Variants in TFB1M observed in about 807,000 individuals in gnomAD.
TFB1M encodes the protein transcription factor B1, mitochondrial.
TFB1M carries 27 observed loss-of-function variants against 31.1 expected under a neutral mutation model. The ratio of observed to expected loss-of-function variants is 0.87; its 90% CI spans 0.64 to 1.20. TFB1M has a LOEUF of 1.20. Ranked by LOEUF, TFB1M falls within the 50% of genes most tolerant of loss-of-function variation. The pLI, the probability that TFB1M is intolerant of heterozygous loss-of-function variation, is 0.00. For missense variants in TFB1M, 394 were observed against 418.7 expected, an observed-to-expected ratio of 0.94 and a Z score of 0.51; for synonymous variants, 166 against 151.8, an observed-to-expected ratio of 1.09 and a Z score of -0.69.
the TFB1M span, among the ~76,000 whole-genome samples, chr6:155,234,010 G>T: frequency 4.0e-5 from 6 of 150,990 alleles, no homozygotes; most frequent in Non-Finnish European, 7.4e-5. Context: ...TTTTGGGGGG[G>T]GGTTGGGGTT....
At chr6:155,305,106 T>TATTATATATTTATATATATACATA (rs1206585302) in intron 2 of TFB1M, among the ~76,000 whole-genome samples, 1 of 122,066 alleles carries the variant, frequency 8.2e-6, no homozygotes, top group East Asian at 2.2e-4. Context: ...ATTATTTATA[T>TATTATATATTTATATATATACATA]ATTATATATT....
downstream of TFB1M, chr6:155,253,988 C>T: frequency 1.9e-6 from 3 of 1,612,786 alleles, no homozygotes; most frequent in Non-Finnish European, 1.7e-6. Flanking sequence ...GAAAATAATT[C>T]CATATGGGAA....
the TFB1M span, chr6:155,249,854 C>G: frequency 6.2e-7 from 1 of 1,609,766 alleles, no homozygotes. Context: ...CTTGCAGAAG[C>G]ACTAAAGGCA....
downstream of TFB1M, chr6:155,254,041 A>G (rs776956483): frequency 1.9e-6 from 3 of 1,614,156 alleles, no homozygotes; most frequent in Non-Finnish European, 1.7e-6. Context: ...GCCAGAAACC[A>G]TCTTTCAGTT....
At chr6:155,277,698 G>C (rs1785285230) in intron 5 of TFB1M, among the ~76,000 whole-genome samples, 1 of 152,170 alleles carries the variant, frequency 6.6e-6, no homozygotes, top group Non-Finnish European at 1.5e-5. Context: ...ACGGGAATTA[G>C]GAAGGGGATC....
At chr6:155,281,539 T>C (rs915323258) in intron 5 of TFB1M, among the ~76,000 whole-genome samples, 1 of 151,936 alleles carries the variant, frequency 6.6e-6, no homozygotes, top group African/African-American at 2.4e-5. Context: ...TTGGCCAACA[T>C]GGTGAAACCT....
chr6:155,314,188 T>C, intron 1 of TFB1M, 108 bp downstream of exon 1: 1 of 1,556,966 alleles, frequency 6.4e-7, no homozygotes, highest in Non-Finnish European at 8.7e-7. Flanking sequence ...CAAAAGCCCG[T>C]CGCACGCCAG....
chr6:155,252,099 G>A, downstream of TFB1M: 1 of 929,454 alleles, frequency 1.1e-6, no homozygotes, highest in Non-Finnish European at 1.7e-6. Flanking sequence ...CCAAGGCTGG[G>A]CTGACTGATA....
chr6:155,307,136 T>TACATACACACAC (rs934986395), intron 2 of TFB1M, among the ~76,000 whole-genome samples: 368 of 147,344 alleles, frequency 2.5e-3, no homozygotes, highest in African/African-American at 9.1e-3. Context: ...CTCAAACACA[T>TACATACACACAC]ACACACACAC....
intron 3 of TFB1M, among the ~76,000 whole-genome samples, chr6:155,297,677 T>C (rs192448612): frequency 6.6e-6 from 1 of 152,230 alleles, no homozygotes; most frequent in East Asian, 1.9e-4. Context: ...CAGGAGGGGC[T>C]GGTATCAGGG....
chr6:155,255,978 C>G, downstream of TFB1M: 1 of 186,340 alleles, frequency 5.4e-6, no homozygotes, highest in Non-Finnish European at 1.0e-5. Flanking sequence ...CCACTGCACT[C>G]CAGCCTGGGT....
At chr6:155,295,907 T>C (rs1777148089) in intron 4 of TFB1M, among the ~76,000 whole-genome samples, 3 of 152,190 alleles carry the variant, frequency 2.0e-5, no homozygotes, top group Admixed American at 2.0e-4. Flanking sequence ...ACTACACTGT[T>C]TGACATCAGG....
At chr6:155,236,649 C>A in the TFB1M span, among the ~76,000 whole-genome samples, 1 of 152,034 alleles carries the variant, frequency 6.6e-6, no homozygotes, top group Non-Finnish European at 1.5e-5. Context: ...GGTGACAGAG[C>A]AAGACTCTGT....
At chr6:155,266,433 A>G (rs569287139) in intron 5 of TFB1M, among the ~76,000 whole-genome samples, 1 of 152,296 alleles carries the variant, frequency 6.6e-6, no homozygotes, top group Admixed American at 6.5e-5. Context: ...TAAATTCACT[A>G]GAAGTGCAGC....
rs1784159843 is a variant in TFB1M, at chr6:155,257,705, A to G, written c.*131T>C. On this transcript the variant is annotated 3_prime_UTR_variant, in exon 7 of 7. Coordinates refer to ENST00000367166, the MANE Select transcript of TFB1M (RefSeq NM_016020.4). ...TATTTTCTCTGCCAAGCTGTATAGTAAAAGGAAAATAAGTCACATCTGGTC... is the reference window on the plus strand; with the variant it reads ...TATTTTCTCTGCCAAGCTGTATAGTGAAAGGAAAATAAGTCACATCTGGTC... 1 of 1,112,458 alleles carries G rather than the reference A, an allele frequency of 9.0e-7. No homozygotes were observed. 68.9% of individuals were successfully genotyped at this position (1,112,458 alleles called of 1,614,324 possible).
rs528601896 is a variant in TFB1M at position 155,264,798 on chromosome 6, GA to G, written c.667-4399del. 2.9e-4 allele frequency among the ~76,000 whole-genome samples: 44 copies of G among 152,280 alleles called. No homozygotes were observed. In the East Asian group the frequency reaches 8.1e-3, roughly 28 times the overall value. On this transcript the variant is annotated intron_variant, in intron 5 of 6. Transcript: ENST00000367166. ...TAAGAAATGTGGTGAGGGGGATGAA[GA>G]GTTTTTTTACTGTGTAAATTATGTA...
At chr6:155,244,851 TTCTCTCATGAGAAA>T in the TFB1M span, 1 of 1,479,482 alleles carries the variant, frequency 6.8e-7, no homozygotes. Flanking sequence ...CTCATGAGAA[TTCTCTCATGAGAAA>T]GAATTTCTTG....
At chr6:155,260,435 C>T in intron 5 of TFB1M, 35 bp from the exon 6 acceptor site, 1 of 1,613,680 alleles carries the variant, frequency 6.2e-7, no homozygotes, top group South Asian at 1.1e-5. Context: ...CATTCTGTGG[C>T]ATGATATGTG....
At chr6:155,286,559 ATATGTATATATATACATGTGTATATG>A (rs1332756591) in intron 4 of TFB1M, among the ~76,000 whole-genome samples, 7 of 147,876 alleles carry the variant, frequency 4.7e-5, no homozygotes, top group African/African-American at 7.5e-5. Context: ...GTGTGTATAT[ATATGTATATATATACATGTGTATATG>A]TATATGTGTG....
Sources: gnomAD v4.1 joint callset for allele counts (sites outside exome capture counted in the v4.1 genomes callset) on GRCh38, gnomAD v4.1.1 for gene constraint, MANE v1.5 for transcripts, NCBI Gene and HGNC (gene_info 2026-07-23, HGNC 2026-07-21) for gene names.